The following CHCHD6 variants were observed in gnomAD, a reference collection of about 807,000 sequenced individuals.
The protein encoded by CHCHD6 is coiled-coil-helix-coiled-coil-helix domain containing 6.
In CHCHD6, 28 loss-of-function variants were observed where a neutral mutation model predicts 32.3. The ratio of observed to expected loss-of-function variants is 0.87; its 90% CI spans 0.64 to 1.19. CHCHD6 has a LOEUF of 1.19. Ranked by LOEUF, CHCHD6 falls within the 50% of genes most tolerant of loss-of-function variation. CHCHD6 has a pLI of 0.00. For synonymous variants in CHCHD6, 122 were observed against 117.5 expected (o/e 1.04, Z -0.25); for missense variants, 333 against 307.0 (o/e 1.08, Z -0.63).
intron 1 of CHCHD6, among the ~76,000 whole-genome samples, chr3:126,707,951 C>T (rs530459883): frequency 6.6e-6 from 1 of 152,202 alleles, no homozygotes; most frequent in Non-Finnish European, 1.5e-5. Context: ...AGCCGAGGAC[C>T]CTGTCATCAT....
chr3:126,731,739 C>T (rs1419624614), intron 3 of CHCHD6, among the ~76,000 whole-genome samples: 1 of 152,092 alleles, frequency 6.6e-6, no homozygotes, highest in Non-Finnish European at 1.5e-5. Flanking sequence ...TGGGTTAAGA[C>T]CCACATTCTA....
intron 4 of CHCHD6, among the ~76,000 whole-genome samples, chr3:126,846,247 A>G (rs767040714): frequency 7.2e-5 from 11 of 152,202 alleles, no homozygotes; most frequent in Non-Finnish European, 1.5e-4. Flanking sequence ...GAGGTTGCCC[A>G]GTGCTAACAG....
chr3:126,874,945 G>A (rs1179099240), intron 5 of CHCHD6, among the ~76,000 whole-genome samples: 1 of 152,184 alleles, frequency 6.6e-6, no homozygotes, highest in Non-Finnish European at 1.5e-5. Context: ...CTGCCTTGGG[G>A]TGCACTTGGT....
rs536878864 is a variant in CHCHD6, at chr3:126,795,909, G to A, written c.412-56738G>A. 3.9e-5 allele frequency among the ~76,000 whole-genome samples: 6 copies of A among 152,304 alleles called. No homozygotes were observed. In the South Asian group the frequency reaches 1.2e-3, roughly 32 times the overall value. On this transcript the variant is annotated intron_variant, in intron 4 of 7. Coordinates refer to ENST00000290913, the MANE Select transcript of CHCHD6 (RefSeq NM_032343.3). ...GAGGAGCCTTCTTGCTTTGGGCAAG[G>A]AGAATGGGTATGTGTTGGAGGTAAG...
At chr3:126,912,929 G>A (rs1245807529) in intron 5 of CHCHD6, among the ~76,000 whole-genome samples, 1 of 149,592 alleles carries the variant, frequency 6.7e-6, no homozygotes, top group Non-Finnish European at 1.5e-5. Context: ...GGCCGAGGGG[G>A]GTCCGTGGTG....
At chr3:126,833,565 A>G (rs530264334) in intron 4 of CHCHD6, among the ~76,000 whole-genome samples, 3 of 152,316 alleles carry the variant, frequency 2.0e-5, no homozygotes, top group East Asian at 3.9e-4. Flanking sequence ...CTTCGCAACT[A>G]TGTAGACCTA....
chr3:126,938,886 T>C (rs2107602196), intron 6 of CHCHD6, among the ~76,000 whole-genome samples: 1 of 152,332 alleles, frequency 6.6e-6, no homozygotes, highest in East Asian at 1.9e-4. Flanking sequence ...GCTCCCTGCA[T>C]GTTGGGCTTG....
chr3:126,917,671 A>G (rs2078191322), intron 6 of CHCHD6, among the ~76,000 whole-genome samples: 1 of 152,222 alleles, frequency 6.6e-6, no homozygotes, highest in Non-Finnish European at 1.5e-5. Flanking sequence ...TCCAGAACAC[A>G]TATGTTGAAA....
chr3:126,898,720 G>A (rs549218166), intron 5 of CHCHD6, among the ~76,000 whole-genome samples: 2 of 152,188 alleles, frequency 1.3e-5, no homozygotes, highest in East Asian at 1.9e-4. Flanking sequence ...TGTATTTTTA[G>A]TAGAGACAGG....
At chr3:126,865,077 TCCAC>T (rs2107563588) in intron 5 of CHCHD6, among the ~76,000 whole-genome samples, 1 of 120,486 alleles carries the variant, frequency 8.3e-6, no homozygotes, top group Admixed American at 7.7e-5. Context: ...TTCCACCACC[TCCAC>T]TTCTTCCTCC....
chr3:126,862,219 ACCT>A (rs1265952459), intron 5 of CHCHD6, among the ~76,000 whole-genome samples: 6 of 83,060 alleles, frequency 7.2e-5, no homozygotes, highest in African/African-American at 1.5e-4. Context: ...CATCATCACC[ACCT>A]CCTCCTCCTC....
At chr3:126,942,175 T>C (rs549444536) in intron 6 of CHCHD6, among the ~76,000 whole-genome samples, 2 of 152,270 alleles carry the variant, frequency 1.3e-5, no homozygotes, top group African/African-American at 4.8e-5. Flanking sequence ...GTGCATCCCA[T>C]CAGTAGGTTC....
chr3:126,766,638 C>A, intron 4 of CHCHD6: 1 of 1,026,396 alleles, frequency 9.7e-7, no homozygotes, highest in Non-Finnish European at 1.5e-6. Context: ...CGGTGATGGG[C>A]CCCAGCTATG....
At chr3:126,937,966 C>G (rs1293322547) in intron 6 of CHCHD6, among the ~76,000 whole-genome samples, 2 of 152,186 alleles carry the variant, frequency 1.3e-5, no homozygotes, top group East Asian at 3.8e-4. Flanking sequence ...TTTCTCCAAG[C>G]CACATGACTG....
chr3:126,882,270 G>A (rs544816941), intron 5 of CHCHD6, among the ~76,000 whole-genome samples: 19 of 152,140 alleles, frequency 1.2e-4, no homozygotes, highest in Admixed American at 2.0e-4. Context: ...CTCCCTCTCC[G>A]CCTTGCCTCA....
At chr3:126,946,266 C>T (rs2078637458) in intron 6 of CHCHD6, among the ~76,000 whole-genome samples, 1 of 152,198 alleles carries the variant, frequency 6.6e-6, no homozygotes, top group South Asian at 2.1e-4. Context: ...CAGAAAGCGC[C>T]CCACCTGGCT....
intron 5 of CHCHD6, among the ~76,000 whole-genome samples, chr3:126,881,175 A>C (rs933805577): frequency 2.0e-5 from 3 of 152,220 alleles, no homozygotes; most frequent in Non-Finnish European, 4.4e-5. Context: ...TGCACTCTCC[A>C]ACTGTCCTCG....
intron 5 of CHCHD6, among the ~76,000 whole-genome samples, chr3:126,865,143 A>ACTTCTTCCTCCT (rs1942238116): frequency 7.0e-5 from 2 of 28,428 alleles, no homozygotes; most frequent in African/African-American, 1.8e-4. Flanking sequence ...CTCCACCACC[A>ACTTCTTCCTCCT]CCTCCTTTTC....
chr3:126,717,908 G>C (rs1321270736), intron 1 of CHCHD6, among the ~76,000 whole-genome samples: 1 of 152,220 alleles, frequency 6.6e-6, no homozygotes, highest in Non-Finnish European at 1.5e-5. Context: ...GGCAAGGACT[G>C]TGGGCTGGAG....
Sources: gnomAD v4.1 joint callset for allele counts (sites outside exome capture counted in the v4.1 genomes callset) on GRCh38, gnomAD v4.1.1 for gene constraint, MANE v1.5 for transcripts, NCBI Gene and HGNC (gene_info 2026-07-23, HGNC 2026-07-21) for gene names.